PHF21A: variants seen among roughly 807,000 people sequenced by gnomAD.
PHF21A encodes the protein BHC80a.
In PHF21A, 11 loss-of-function variants were observed where a neutral mutation model predicts 82.5. That is an observed-to-expected ratio of 0.13 (90% confidence interval 0.08 to 0.22). The LOEUF (loss-of-function observed/expected upper bound fraction) is 0.22. Ranked by LOEUF, PHF21A falls within the 10% of genes least tolerant of loss-of-function variation. The pLI is 1.00. For synonymous variants in PHF21A, 297 were observed against 302.8 expected (o/e 0.98, Z 0.20); for missense variants, 579 against 837.8 (o/e 0.69, Z 3.81).
intron 6 of PHF21A, among the ~76,000 whole-genome samples, chr11:46,023,836 A>G (rs1246176989): frequency 6.6e-6 from 1 of 152,154 alleles, no homozygotes; most frequent in Non-Finnish European, 1.5e-5. Context: ...GGTGCCTATA[A>G]TCCCAGCTAC....
At chr11:45,972,240 T>C (rs1326231456) in intron 7 of PHF21A, among the ~76,000 whole-genome samples, 2 of 152,096 alleles carry the variant, frequency 1.3e-5, no homozygotes, top group Non-Finnish European at 2.9e-5. Context: ...TATTGCAGCT[T>C]TGAAGCTGTA....
At position 45,979,936 on chromosome 11, in the gene PHF21A, G is replaced by A; in HGVS notation, c.184C>T (p.Leu62=). The stretch of plus-strand genomic sequence containing the variant: ...TCCGGTTGTTCTTGCTTTACTATCA[G>A]GTTCTTCCGTAGCTGTTCAACTACT... ...KRVVEQLRKN[L]IVKQEQPDKF... is the part of the protein sequence containing the mutation. Residue 62 remains leucine (L), a synonymous_variant, in exon 7 of 19, where the codon CTG becomes TTG. Transcript: ENST00000676320. 6.2e-7 allele frequency: 1 copy of A among 1,614,118 alleles called. No homozygotes were observed. Among genetic ancestry groups the A allele is most frequent in the Non-Finnish European group, 8.5e-7 (1 of 1,179,996 alleles).
intron 7 of PHF21A, among the ~76,000 whole-genome samples, chr11:45,977,915 C>G (rs2094114860): frequency 6.7e-6 from 1 of 150,226 alleles, no homozygotes; most frequent in African/African-American, 2.5e-5. Context: ...GCCAGAACAT[C>G]TAGGTTCAAA....
At chr11:46,104,113 A>G (rs1362596335) in intron 1 of PHF21A, among the ~76,000 whole-genome samples, 1 of 152,254 alleles carries the variant, frequency 6.6e-6, no homozygotes, top group African/African-American at 2.4e-5. Flanking sequence ...AATTTCACAA[A>G]GGCAAAATGC....
At chr11:46,036,670 A>C (rs2138569206) in intron 6 of PHF21A, among the ~76,000 whole-genome samples, 1 of 152,250 alleles carries the variant, frequency 6.6e-6, no homozygotes, top group Middle Eastern at 3.4e-3. Context: ...TTCTGACTCG[A>C]CCATTTTTTC....
intron 6 of PHF21A, among the ~76,000 whole-genome samples, chr11:46,059,165 G>A (rs539489714): frequency 1.4e-4 from 21 of 152,012 alleles, no homozygotes; most frequent in African/African-American, 4.3e-4. Flanking sequence ...TCAAAATTAC[G>A]TACAAATATT....
chr11:45,950,272 CA>C lies in PHF21A; in HGVS notation c.1096-16del. The stretch of plus-strand genomic sequence containing the variant: ...AAGGCAAGTTTCTGTGCCAGAGAAA[CA>C]AAAGAAGAATATGCTTCAGTCTGGG... On this transcript the variant is annotated splice_polypyrimidine_tract_variant and intron_variant, in intron 11 of 18. Coordinates refer to ENST00000676320, the MANE Select transcript of PHF21A (RefSeq NM_001352027.3). 6.2e-7 allele frequency: 1 copy of C among 1,608,600 alleles called. No individual in the cohort carries two copies. Among genetic ancestry groups the C allele is most frequent in the South Asian group, 1.1e-5 (1 of 90,358 alleles).
chr11:46,013,887 G>C (rs565168635), intron 6 of PHF21A, among the ~76,000 whole-genome samples: 1 of 152,286 alleles, frequency 6.6e-6, no homozygotes, highest in East Asian at 1.9e-4. Context: ...GTTGTACTGG[G>C]TGAGTCAGTG....
chr11:46,069,538 C>A (rs1422921813), intron 6 of PHF21A, among the ~76,000 whole-genome samples: 2 of 152,178 alleles, frequency 1.3e-5, no homozygotes, highest in Non-Finnish European at 2.9e-5. Flanking sequence ...GTAACCAACA[C>A]AAGGACTATA....
At chr11:45,949,052 G>A in intron 13 of PHF21A, 106 bp from the exon 14 acceptor site, 2 of 880,324 alleles carry the variant, frequency 2.3e-6, no homozygotes, top group Non-Finnish European at 2.0e-6. Flanking sequence ...ATGCCGACTA[G>A]TTAGTGCTAA....
At chr11:46,006,010 G>A (rs1336620691) in intron 6 of PHF21A, among the ~76,000 whole-genome samples, 1 of 152,114 alleles carries the variant, frequency 6.6e-6, no homozygotes, top group Non-Finnish European at 1.5e-5. Flanking sequence ...TTTAAACTTT[G>A]AAAATGGGCT....
At chr11:45,977,843 C>CT (rs543050172) in intron 7 of PHF21A, among the ~76,000 whole-genome samples, 2,728 of 136,832 alleles carry the variant, frequency 0.02, 33 homozygotes, top group Middle Eastern at 0.054. Flanking sequence ...TCTTCTTCTT[C>CT]TTTTTTTTTT....
intron 1 of PHF21A, among the ~76,000 whole-genome samples, chr11:46,110,678 T>A (rs1378074102): frequency 6.6e-6 from 1 of 152,216 alleles, no homozygotes; most frequent in Non-Finnish European, 1.5e-5. Context: ...AAAGACAAAT[T>A]GATGTCATAT....
At chr11:45,958,422 ATATATATATAT>A in intron 10 of PHF21A, among the ~76,000 whole-genome samples, 1 of 14,324 alleles carries the variant, frequency 7.0e-5, no homozygotes. Context: ...AAAAAAAAAT[ATATATATATAT>A]ATATATATAT....
chr11:46,064,332 T>C (rs1371760859), intron 6 of PHF21A, among the ~76,000 whole-genome samples: 1 of 152,214 alleles, frequency 6.6e-6, no homozygotes, highest in African/African-American at 2.4e-5. Flanking sequence ...AGGTGACAAC[T>C]GAACAGATTA....
chr11:45,977,136 A>ATTTT (rs1232628402), intron 7 of PHF21A, among the ~76,000 whole-genome samples: 2 of 128,078 alleles, frequency 1.6e-5, no homozygotes, highest in Non-Finnish European at 3.4e-5. Flanking sequence ...GCTTCCTTTG[A>ATTTT]TTTTTTTTTT....
At chr11:46,024,804 AAAAG>A (rs922517589) in intron 6 of PHF21A, among the ~76,000 whole-genome samples, 15 of 152,172 alleles carry the variant, frequency 9.9e-5, no homozygotes, top group Admixed American at 3.3e-4. Flanking sequence ...CATCTCAAAA[AAAAG>A]AAAGAAAGAA....
In PHF21A at chr11:45,932,019, G is replaced by C. The variant is rs1395686715; in HGVS notation, c.*1949C>G. On this transcript the variant is annotated 3_prime_UTR_variant, in exon 19 of 19. Transcript: ENST00000676320. The surrounding 1 kb of genome is among the most constrained non-coding windows in gnomAD (Gnocchi z 4.3). ...GCCTGGAGCCAACAGGCAGAGAAAG[G>C]AGTGGGAGCTTCAGACCTCTCCCCA... is the stretch of plus-strand genomic sequence containing the variant. 1 of 152,290 alleles carries C rather than the reference G, an allele frequency of 6.6e-6. No individual in the cohort carries two copies. The highest frequency in any genetic ancestry group is 1.5e-5 in the Non-Finnish European group (1 of 68,094). 9.4% of individuals were successfully genotyped at this position (152,290 alleles called of 1,614,324 possible).
At chr11:46,070,336 AT>A (rs1013629415) in intron 6 of PHF21A, among the ~76,000 whole-genome samples, 90 of 146,698 alleles carry the variant, frequency 6.1e-4, no homozygotes, top group African/African-American at 7.2e-4. Flanking sequence ...GGTGACTATA[AT>A]TTTTTTTTTT....
Sources: allele counts gnomAD v4.1 joint callset (sites outside exome capture counted in the v4.1 genomes callset), GRCh38; gene constraint gnomAD v4.1.1; non-coding constraint Gnocchi (gnomAD v3.1); transcripts MANE v1.5; gene names NCBI Gene and HGNC (gene_info 2026-07-23, HGNC 2026-07-21).